The following GARRE1 variants were observed in gnomAD, a reference collection of about 807,000 sequenced individuals.
GARRE1 encodes the protein granule associated Rac and RHOG effector protein 1.
Under a neutral mutation model 103.2 loss-of-function variants are expected in GARRE1, and 49 were observed. The ratio of observed to expected loss-of-function variants is 0.47; its 90% CI spans 0.38 to 0.60. The LOEUF (loss-of-function observed/expected upper bound fraction) is 0.60. Ranked by LOEUF, GARRE1 falls within the 20% of genes least tolerant of loss-of-function variation. The probability of loss-of-function intolerance (pLI) is 0.00; values close to 1 mark genes in which losing one functional copy is unlikely to be tolerated. For synonymous variants in GARRE1, 505 were observed against 532.8 expected (o/e 0.95, Z 0.72); for missense variants, 1,199 against 1,370.5 (o/e 0.87, Z 1.98).
intron 1 of GARRE1, among the ~76,000 whole-genome samples, chr19:34,291,981 C>T (rs1269276027): frequency 6.6e-6 from 1 of 152,026 alleles, no homozygotes; most frequent in Non-Finnish European, 1.5e-5. Context: ...GCCTCAGCCT[C>T]CTAAATAGCT....
intron 6 of GARRE1, among the ~76,000 whole-genome samples, chr19:34,329,291 T>A (rs1175207861): frequency 6.6e-6 from 1 of 152,154 alleles, no homozygotes; most frequent in African/African-American, 2.4e-5. Flanking sequence ...AAATTGAGAT[T>A]TTAATTAGTA....
chr19:34,339,774 T>G (rs1332210015), intron 8 of GARRE1, 93 bp from the exon 9 acceptor site: 2 of 1,488,774 alleles, frequency 1.3e-6, no homozygotes, highest in Non-Finnish European at 1.9e-6. Flanking sequence ...GCGCCAGAGG[T>G]ACATAAAAGT....
chr19:34,292,091 G>A (rs1364246488), intron 1 of GARRE1, among the ~76,000 whole-genome samples: 1 of 152,050 alleles, frequency 6.6e-6, no homozygotes, highest in African/African-American at 2.4e-5. Context: ...CAAATGCCTG[G>A]CCTCAAGTGA....
chr19:34,337,123 CT>C (rs1472006855), intron 8 of GARRE1, among the ~76,000 whole-genome samples: 1 of 149,986 alleles, frequency 6.7e-6, no homozygotes, highest in Admixed American at 6.7e-5. Flanking sequence ...GAAATGATTG[CT>C]TTACTCCACC....
Position 34,353,052 on chromosome 19 carries a change from C to A in GARRE1, c.*97C>A. On this transcript the variant is annotated 3_prime_UTR_variant, in exon 14 of 14. Coordinates refer to ENST00000299505, the MANE Select transcript of GARRE1 (RefSeq NM_014686.5). The stretch of plus-strand genomic sequence containing the variant: ...AGGGCCACTTAGCTGACACCAGCCC[C>A]TCAGAGGACCAGTGCGCCCCATCCC... The A allele has an allele frequency of 8.5e-7, 1 of 1,173,224 alleles. No homozygotes were observed. 72.7% of individuals were successfully genotyped at this position (1,173,224 alleles called of 1,614,324 possible).
At chr19:34,282,975 C>G (rs1028511143) in intron 1 of GARRE1, among the ~76,000 whole-genome samples, 5 of 152,224 alleles carry the variant, frequency 3.3e-5, no homozygotes, top group African/African-American at 1.2e-4. Context: ...GCCCTCAGAC[C>G]TTCTCATTAC....
chr19:34,335,385 T>C (rs1006344744), intron 8 of GARRE1, among the ~76,000 whole-genome samples: 1 of 152,230 alleles, frequency 6.6e-6, no homozygotes, highest in African/African-American at 2.4e-5. Flanking sequence ...ATTAAAATGG[T>C]AATCTGCATG....
chr19:34,260,088 A>G (rs560964074), intron 1 of GARRE1, among the ~76,000 whole-genome samples: 1 of 152,354 alleles, frequency 6.6e-6, no homozygotes, highest in African/African-American at 2.4e-5. Context: ...GCAGGGTGAG[A>G]ACAGACTAAT....
intron 11 of GARRE1, 130 bp downstream of exon 11, chr19:34,348,172 G>C: frequency 1.3e-6 from 1 of 758,078 alleles, no homozygotes; most frequent in Non-Finnish European, 1.9e-6. Flanking sequence ...CCATGTGAGA[G>C]AGTGACATGG....
chr19:34,278,444 CAAAA>C (rs71165640), intron 1 of GARRE1, among the ~76,000 whole-genome samples: 1 of 57,100 alleles, frequency 1.8e-5, no homozygotes, highest in Admixed American at 2.2e-4. Flanking sequence ...GACTCCATCT[CAAAA>C]AAAAAAAAAA....
rs2074187402 is a variant in GARRE1, at chr19:34,341,912, C to T, written c.1978C>T (p.Gln660Ter). The T allele has an allele frequency of 6.2e-7, 1 of 1,614,032 alleles. No homozygotes were observed. Reference sequence around the variant, plus strand: ...TTTTCTCTCGGGCTTTAACATGGGCCAGTCACATCAGGGCTCTCCGTTGGT... The same window carrying T: ...TTTTCTCTCGGGCTTTAACATGGGCTAGTCACATCAGGGCTCTCCGTTGGT... The part of the protein sequence containing the change: ...IDFLSGFNMG[Q>*]SHQGSPLVTR... The change falls in exon 10 of 14, where the codon CAG (glutamine) becomes TAG (stop). Residue 660 changes from glutamine to a stop codon, truncating the protein, a stop_gained. Transcript: ENST00000299505. LOFTEE classifies it high-confidence loss of function.
chr19:34,326,527 C>A (rs888235206), intron 3 of GARRE1, among the ~76,000 whole-genome samples: 10 of 152,188 alleles, frequency 6.6e-5, no homozygotes, highest in African/African-American at 2.4e-4. Flanking sequence ...CTTATCTACT[C>A]TTCATAAACA....
intron 2 of GARRE1, among the ~76,000 whole-genome samples, chr19:34,313,948 G>GCAC (rs1437242751): frequency 2.6e-5 from 4 of 152,046 alleles, no homozygotes; most frequent in Admixed American, 1.3e-4. Flanking sequence ...TCACAGGCAT[G>GCAC]CACCACCACG....
intron 7 of GARRE1, among the ~76,000 whole-genome samples, chr19:34,332,513 C>T (rs2074142458): frequency 6.6e-6 from 1 of 151,392 alleles, no homozygotes; most frequent in South Asian, 2.1e-4. Context: ...TTCCTTGCGT[C>T]TTGATTGTAG....
Position 34,320,125 on chromosome 19 carries a change from G to A in GARRE1, c.705+9G>A. The A allele has an allele frequency of 6.2e-7, 1 of 1,611,946 alleles. No homozygotes were observed. Among genetic ancestry groups the A allele is most frequent in the Non-Finnish European group, 8.5e-7 (1 of 1,178,886 alleles). On this transcript the variant is annotated intron_variant, in intron 3 of 13. Transcript: ENST00000299505. ...GGCGGGGGGCTGCTGAGGTAACCCT[G>A]GCTTTGGGGAGATTGGTGCCTGTGT...
At chr19:34,348,412 CATT>C in intron 11 of GARRE1, 1 of 179,192 alleles carries the variant, frequency 5.6e-6, no homozygotes, top group Non-Finnish European at 1.2e-5. Context: ...GGAACGCTGT[CATT>C]ATAGCCTATG....
intron 2 of GARRE1, among the ~76,000 whole-genome samples, chr19:34,307,335 G>C (rs556902755): frequency 6.6e-6 from 1 of 151,964 alleles, no homozygotes; most frequent in Non-Finnish European, 1.5e-5. Flanking sequence ...CTGGTTTTAC[G>C]TTGGGTCCTC....
chr19:34,300,721 A>G lies in GARRE1; in HGVS notation c.248A>G (p.Tyr83Cys). The change falls in exon 2 of 14, where the codon TAT becomes TGT. Residue 83 changes from tyrosine (Y) to cysteine (C), a missense_variant. Transcript: ENST00000299505. ...GACATCCAGCAGGGCATCTCCAAGT[A>G]TCTGGATGCCCTGAACGTCTTCTGC... ...IADIQQGISK[Y>C]LDALNVFCRA... 2 of 1,614,188 alleles carry G rather than the reference A, an allele frequency of 1.2e-6. No homozygotes were observed. The highest frequency in any genetic ancestry group is 1.7e-6 in the Non-Finnish European group (2 of 1,180,032).
rs987867005 is a variant in GARRE1, at chr19:34,354,241, TAAA to T, written c.*1287_*1289del. 2.6e-5 allele frequency: 4 copies of T among 152,258 alleles called. No homozygotes were observed. Among genetic ancestry groups the T allele is most frequent in the Non-Finnish European group, 2.9e-5 (2 of 68,038 alleles). The allele number at this position is 152,258 out of a possible 1,614,324, so 9.4% of individuals were successfully genotyped here. On this transcript the variant is annotated 3_prime_UTR_variant, in exon 14 of 14. Coordinates refer to ENST00000299505, the MANE Select transcript of GARRE1 (RefSeq NM_014686.5). ...TTTTTTTTATATTTTCTTAAATCAT[TAAA>T]CCATTTTAATATATGTTAACTACTA...
Sources: allele counts gnomAD v4.1 joint callset (sites outside exome capture counted in the v4.1 genomes callset), GRCh38; gene constraint gnomAD v4.1.1; transcripts MANE v1.5; gene names NCBI Gene and HGNC (gene_info 2026-07-23, HGNC 2026-07-21).